The following EPHA6 variants were observed in gnomAD, a reference collection of about 807,000 sequenced individuals.
EPHA6 encodes the protein ephrin type-A receptor 6.
EPHA6 carries 50 observed loss-of-function variants against 112.0 expected under a neutral mutation model. That is an observed-to-expected ratio of 0.45 (90% CI 0.36 to 0.56). EPHA6 has a LOEUF of 0.56. EPHA6 is among the 20% of genes least tolerant of loss of function. The pLI is 0.00. For synonymous variants in EPHA6, 529 were observed against 490.7 expected, an observed-to-expected ratio of 1.08 and a Z score of -1.03; for missense variants, 1,280 against 1,417.4, an observed-to-expected ratio of 0.90 and a Z score of 1.56.
chr3:97,596,741 T>A (rs2093594210), intron 12 of EPHA6, among the ~76,000 whole-genome samples: 1 of 144,444 alleles, frequency 6.9e-6, no homozygotes, highest in African/African-American at 2.5e-5. Context: ...GTTGTGAGAC[T>A]TGATAATATT....
At chr3:96,820,478 G>A (rs2033167250) in intron 1 of EPHA6, among the ~76,000 whole-genome samples, 1 of 151,898 alleles carries the variant, frequency 6.6e-6, no homozygotes, top group Admixed American at 6.6e-5. Context: ...TTTGAAATAT[G>A]TTTTGTAAAT....
Position 97,339,666 on chromosome 3 carries a change from G to A in EPHA6, c.1607-65484G>A, listed in dbSNP as rs559107998. On this transcript the variant is annotated intron_variant, in intron 5 of 17. Transcript: ENST00000389672. ...GTTAGAATTAAAATATATAAGAAAGGCTTTTCACAAGACTTGGGAAAAAAT... is the reference window on the plus strand; with the variant it reads ...GTTAGAATTAAAATATATAAGAAAGACTTTTCACAAGACTTGGGAAAAAAT... Among the ~76,000 whole-genome samples the A allele has an allele frequency of 1.3e-5, 2 of 152,204 alleles. 1 individual carries two copies. The highest frequency in any genetic ancestry group is 4.8e-5 in the African/African-American group (2 of 41,526).
At chr3:97,288,813 T>C (rs558195467) in intron 5 of EPHA6, among the ~76,000 whole-genome samples, 1 of 152,162 alleles carries the variant, frequency 6.6e-6, no homozygotes, top group Non-Finnish European at 1.5e-5. Flanking sequence ...TTATTTGCAT[T>C]TTTCTGATGA....
chr3:96,933,674 T>G (rs1471826957), intron 2 of EPHA6, among the ~76,000 whole-genome samples: 1 of 152,142 alleles, frequency 6.6e-6, no homozygotes, highest in Non-Finnish European at 1.5e-5. Context: ...CAAAACAGTT[T>G]AGGATTTGAG....
At chr3:97,675,405 G>A (rs2031270332) in intron 14 of EPHA6, among the ~76,000 whole-genome samples, 1 of 152,086 alleles carries the variant, frequency 6.6e-6, no homozygotes, top group Non-Finnish European at 1.5e-5. Flanking sequence ...ACTTGAGCCT[G>A]GGAGGTGGAG....
At chr3:97,406,300 A>G (rs1204392759) in intron 6 of EPHA6, among the ~76,000 whole-genome samples, 1 of 152,148 alleles carries the variant, frequency 6.6e-6, no homozygotes, top group Non-Finnish European at 1.5e-5. Context: ...GGTTCTGGAG[A>G]CGAAGAAGTC....
intron 5 of EPHA6, among the ~76,000 whole-genome samples, chr3:97,333,596 C>T (rs192662220): frequency 6.6e-6 from 1 of 151,060 alleles, no homozygotes; most frequent in East Asian, 2.0e-4. Context: ...ACCTCAGCCT[C>T]CGAGTAGCTG....
intron 1 of EPHA6, among the ~76,000 whole-genome samples, chr3:96,854,876 T>C (rs2035603878): frequency 6.6e-6 from 1 of 152,190 alleles, no homozygotes. Context: ...TTGTTCTCTA[T>C]TACTGCTGTA....
intron 11 of EPHA6, among the ~76,000 whole-genome samples, chr3:97,582,055 C>T (rs2093443690): frequency 6.6e-6 from 1 of 150,826 alleles, no homozygotes; most frequent in Non-Finnish European, 1.5e-5. Context: ...CAGAGTTTTG[C>T]TCTTGTTGCC....
At chr3:97,125,368 A>AT (rs1559743590) in intron 3 of EPHA6, among the ~76,000 whole-genome samples, 1 of 152,166 alleles carries the variant, frequency 6.6e-6, no homozygotes, top group Non-Finnish European at 1.5e-5. Context: ...CAACAAGGTT[A>AT]TTTTTTTCCA....
rs567447629 is a variant in EPHA6 at position 97,009,539 on chromosome 3, G to A, written c.1114+21546G>A. Among the ~76,000 whole-genome samples the A allele has an allele frequency of 5.9e-5, 9 of 152,346 alleles. No homozygotes were observed. In the South Asian group the frequency reaches 1.7e-3, roughly 28 times the overall value. The stretch of plus-strand genomic sequence containing the variant: ...CCCATCCAGGGAGCTTAGTGTGGTA[G>A]GCAGTTGCCAGTCCCACTGCTGGTT... On this transcript the variant is annotated intron_variant, in intron 3 of 17. Transcript: ENST00000389672.
chr3:97,632,363 G>A (rs2093910932), intron 13 of EPHA6, among the ~76,000 whole-genome samples: 2 of 151,972 alleles, frequency 1.3e-5, no homozygotes, highest in Non-Finnish European at 1.5e-5. Context: ...CATTGTTCTC[G>A]AGATCATGTT....
intron 2 of EPHA6, among the ~76,000 whole-genome samples, chr3:96,937,573 G>T (rs1489634121): frequency 6.6e-6 from 1 of 152,040 alleles, no homozygotes; most frequent in African/African-American, 2.4e-5. Context: ...TCACTCTGAT[G>T]GTAGTTTCTT....
At chr3:97,317,250 T>A (rs192113318) in intron 5 of EPHA6, among the ~76,000 whole-genome samples, 31 of 152,074 alleles carry the variant, frequency 2.0e-4, no homozygotes, top group Non-Finnish European at 2.8e-4. Flanking sequence ...ATCCATGATG[T>A]CAATGGTTGG....
intron 5 of EPHA6, among the ~76,000 whole-genome samples, chr3:97,266,152 C>A (rs1313737832): frequency 6.6e-6 from 1 of 152,124 alleles, no homozygotes; most frequent in Non-Finnish European, 1.5e-5. Context: ...GAGACCTGAG[C>A]ATTTAAGGCT....
chr3:97,609,802 A>G (rs1193881096), intron 12 of EPHA6, among the ~76,000 whole-genome samples: 1 of 151,534 alleles, frequency 6.6e-6, no homozygotes, highest in Admixed American at 6.6e-5. Context: ...TTGTGTTTGT[A>G]AGGAAAAACT....
At chr3:97,184,389 C>T (rs1426888628) in intron 3 of EPHA6, among the ~76,000 whole-genome samples, 1 of 152,018 alleles carries the variant, frequency 6.6e-6, no homozygotes, top group African/African-American at 2.4e-5. Context: ...AATCAGTGTG[C>T]AAAAATCACA....
At chr3:97,367,357 G>A (rs1305813757) in intron 5 of EPHA6, among the ~76,000 whole-genome samples, 1 of 152,036 alleles carries the variant, frequency 6.6e-6, no homozygotes, top group Non-Finnish European at 1.5e-5. Flanking sequence ...CAGCCGTATT[G>A]GAGAGAAGCA....
intron 1 of EPHA6, among the ~76,000 whole-genome samples, chr3:96,857,445 A>G (rs2035760831): frequency 6.6e-6 from 1 of 151,754 alleles, no homozygotes; most frequent in African/African-American, 2.4e-5. Context: ...TCCTCCTCCT[A>G]ACTCCTCTGC....
Sources: gnomAD v4.1 joint callset for allele counts (sites outside exome capture counted in the v4.1 genomes callset) on GRCh38, gnomAD v4.1.1 for gene constraint, MANE v1.5 for transcripts, NCBI Gene and HGNC (gene_info 2026-07-23, HGNC 2026-07-21) for gene names.